Variants in NUGGC observed in about 807,000 individuals in gnomAD.
The protein encoded by NUGGC is nuclear GTPase, germinal center associated.
In NUGGC, 58 loss-of-function variants were observed where a neutral mutation model predicts 92.6. That is an observed-to-expected ratio of 0.63 (90% CI 0.51 to 0.78). NUGGC has a LOEUF of 0.78. NUGGC is among the 30% of genes least tolerant of loss of function. NUGGC has a pLI of 0.00. For synonymous variants in NUGGC, 376 were observed against 366.4 expected (o/e 1.03, Z -0.30); for missense variants, 925 against 964.6 (o/e 0.96, Z 0.54).
At chr8:28,060,007 C>T (rs1296841932) in intron 8 of NUGGC, among the ~76,000 whole-genome samples, 1 of 148,548 alleles carries the variant, frequency 6.7e-6, no homozygotes, top group Admixed American at 6.8e-5. Flanking sequence ...GGCGGCACAG[C>T]AAGACTCTGT....
At chr8:28,069,976 A>G (rs1273152766) in intron 3 of NUGGC, 2 of 387,678 alleles carry the variant, frequency 5.2e-6, no homozygotes, top group Non-Finnish European at 3.5e-6. Flanking sequence ...CAAGGACACC[A>G]TGCTGACACC....
Position 28,029,248 on chromosome 8 carries a change from G to T in NUGGC, c.2154+18C>A. Reference sequence around the variant, plus strand: ...GAGCCTCTCGGGGTCTAGGATCCAGGATGTGGGCATAGAGTACCTTCAGCT... The same window carrying T: ...GAGCCTCTCGGGGTCTAGGATCCAGTATGTGGGCATAGAGTACCTTCAGCT... On this transcript the variant is annotated intron_variant, in intron 17 of 18. Coordinates refer to ENST00000413272, the MANE Select transcript of NUGGC (RefSeq NM_001010906.2). The T allele has an allele frequency of 6.3e-7, 1 of 1,598,602 alleles. No individual in the cohort carries two copies. The highest frequency in any genetic ancestry group is 8.5e-7 in the Non-Finnish European group (1 of 1,172,312).
chr8:28,079,258 C>T (rs1437266393), intron 1 of NUGGC, among the ~76,000 whole-genome samples: 5 of 152,170 alleles, frequency 3.3e-5, no homozygotes, highest in Admixed American at 6.5e-5. Context: ...ATAAAGAATG[C>T]GGGCCGGGTG....
chr8:28,029,825 C>A (rs1230588560), intron 16 of NUGGC, among the ~76,000 whole-genome samples: 1 of 152,006 alleles, frequency 6.6e-6, no homozygotes, highest in Non-Finnish European at 1.5e-5. Flanking sequence ...ACAACAACAA[C>A]AAATATATAT....
chr8:28,060,359 T>A, intron 8 of NUGGC, 67 bp downstream of exon 8: 1 of 1,450,204 alleles, frequency 6.9e-7, no homozygotes. Context: ...TCCATGCTAC[T>A]GTAGTCAGGA....
chr8:28,078,844 T>C (rs1018356590), intron 1 of NUGGC, among the ~76,000 whole-genome samples: 1 of 152,164 alleles, frequency 6.6e-6, no homozygotes, highest in Non-Finnish European at 1.5e-5. Context: ...GGAATGGTGG[T>C]GTTCATTGTG....
chr8:28,067,600 C>T lies in NUGGC; in HGVS notation c.625G>A (p.Glu209Lys). The change falls in exon 6 of 19, where the codon GAG (glutamate) becomes AAG (lysine). Residue 209 changes from glutamate to lysine, a missense_variant. Coordinates refer to ENST00000413272, the MANE Select transcript of NUGGC (RefSeq NM_001010906.2). The stretch of plus-strand genomic sequence containing the variant: ...AGTAACTCCTCATAGTTCTTACTCT[C>T]TGCCCCATTTCCATAAATCATTTGT... ...KLQMIYGNGA[E>K]SKNYEELLRA... 6.2e-7 allele frequency: 1 copy of T among 1,613,906 alleles called. No individual in the cohort carries two copies. Among genetic ancestry groups the T allele is most frequent in the Non-Finnish European group, 8.5e-7 (1 of 1,179,820 alleles).
rs551855106 is a variant in NUGGC at position 28,034,838 on chromosome 8, T to C, written c.1612-1141A>G. Among the ~76,000 whole-genome samples, 5 of 152,240 alleles carry C rather than the reference T, an allele frequency of 3.3e-5. No individual in the cohort carries two copies. In the South Asian group the frequency reaches 1.0e-3, roughly 32 times the overall value. On this transcript the variant is annotated intron_variant, in intron 13 of 18. Transcript: ENST00000413272. ...AACTCAAAAAAAAAGGTCCAAAAAT[T>C]GTACTAATAACCATTTAATATAGTA...
chr8:28,045,524 T>G lies in NUGGC; in HGVS notation c.1446+3A>C. On this transcript the variant is annotated splice_donor_region_variant and intron_variant, in intron 12 of 18. Coordinates refer to ENST00000413272, the MANE Select transcript of NUGGC (RefSeq NM_001010906.2). The stretch of plus-strand genomic sequence containing the variant: ...GAATATGAAAACCCAGTGTCTTCCA[T>G]ACCGGCAGGTTTTGCGTGGAGTTGA... The G allele has an allele frequency of 2.5e-6, 4 of 1,611,724 alleles. No individual in the cohort carries two copies. Among genetic ancestry groups the G allele is most frequent in the Non-Finnish European group, 3.4e-6 (4 of 1,179,496 alleles).
At chr8:28,081,695 G>A (rs1006213788) in intron 1 of NUGGC, among the ~76,000 whole-genome samples, 6 of 152,060 alleles carry the variant, frequency 3.9e-5, no homozygotes, top group Non-Finnish European at 7.4e-5. Flanking sequence ...TGGCTAACTC[G>A]GTGAAACTCT....
intron 12 of NUGGC, among the ~76,000 whole-genome samples, chr8:28,044,400 A>G (rs1809774868): frequency 6.6e-6 from 1 of 152,128 alleles, no homozygotes; most frequent in Non-Finnish European, 1.5e-5. Context: ...TTCAGCAGAG[A>G]CTCAAAAGCA....
At chr8:28,038,195 C>T (rs1022522894) in intron 13 of NUGGC, among the ~76,000 whole-genome samples, 2 of 152,136 alleles carry the variant, frequency 1.3e-5, no homozygotes, top group African/African-American at 4.8e-5. Context: ...TCCAGCCTGC[C>T]ACAGCCCCCA....
intron 12 of NUGGC, among the ~76,000 whole-genome samples, chr8:28,044,531 G>T (rs1297874030): frequency 1.3e-5 from 2 of 152,226 alleles, no homozygotes; most frequent in African/African-American, 4.8e-5. Context: ...AGCCAATGTG[G>T]TTGGTTAGGC....
At chr8:28,063,040 C>G (rs974572376) in intron 7 of NUGGC, among the ~76,000 whole-genome samples, 2 of 152,076 alleles carry the variant, frequency 1.3e-5, no homozygotes, top group African/African-American at 2.4e-5. Flanking sequence ...AGACATGCCT[C>G]AAGTCACGTG....
intron 1 of NUGGC, among the ~76,000 whole-genome samples, chr8:28,080,392 T>C (rs1810822105): frequency 6.6e-6 from 1 of 152,236 alleles, no homozygotes; most frequent in Non-Finnish European, 1.5e-5. Flanking sequence ...GTCCTTTTCT[T>C]TTCCCCTAGT....
intron 2 of NUGGC, among the ~76,000 whole-genome samples, chr8:28,071,638 T>G (rs1259800391): frequency 2.0e-5 from 3 of 152,206 alleles, no homozygotes; most frequent in Admixed American, 6.5e-5. Flanking sequence ...AGTGAAGGGC[T>G]TGTTGGGCCC....
At position 28,041,119 on chromosome 8, in the gene NUGGC, G is replaced by C. The variant is rs1195895683; in HGVS notation, c.1543C>G (p.Gln515Glu). ...GTCCTGACCCCTTCTTGCAGAGGCT[G>C]CTCCATGCAGGCGAAGCACTGTGCG... ...AIAQCFACME[Q>E]PLQEGVRTAR... is the part of the protein sequence containing the mutation. The change falls in exon 13 of 19, where the codon CAG becomes GAG. Residue 515 changes from glutamine to glutamate, a missense_variant. Transcript: ENST00000413272. 6 of 1,608,850 alleles carry C rather than the reference G, an allele frequency of 3.7e-6. No individual in the cohort carries two copies. The highest frequency in any genetic ancestry group is 2.7e-5 in the African/African-American group (2 of 74,842).
intron 14 of NUGGC, among the ~76,000 whole-genome samples, chr8:28,032,742 G>C (rs964160945): frequency 7.2e-6 from 1 of 138,940 alleles, no homozygotes; most frequent in African/African-American, 2.7e-5. Flanking sequence ...AAAAAAAAAA[G>C]AATTAGAGGT....
chr8:28,027,368 G>A (rs1238795674), intron 17 of NUGGC, among the ~76,000 whole-genome samples: 2 of 152,188 alleles, frequency 1.3e-5, no homozygotes, highest in East Asian at 3.9e-4. Flanking sequence ...AGGCATGGCG[G>A]AGAGAATGGC....
Sources: gnomAD v4.1 joint callset for allele counts (sites outside exome capture counted in the v4.1 genomes callset) on GRCh38, gnomAD v4.1.1 for gene constraint, MANE v1.5 for transcripts, NCBI Gene and HGNC (gene_info 2026-07-23, HGNC 2026-07-21) for gene names.